Variants in TLR3 observed in about 807,000 individuals in gnomAD.
The protein encoded by TLR3 is toll-like receptor 3.
In TLR3, 43 loss-of-function variants were observed where a neutral mutation model predicts 66.4. The ratio of observed to expected loss-of-function variants is 0.65; its 90% CI spans 0.51 to 0.83. TLR3 has a LOEUF of 0.83. Among genes scored for constraint, TLR3 ranks in the 40% least tolerant of loss-of-function variants. The probability of loss-of-function intolerance (pLI) is 0.00; values close to 1 mark genes in which losing one functional copy is unlikely to be tolerated. For missense variants in TLR3, 982 were observed against 1,044.6 expected (o/e 0.94, Z 0.83); for synonymous variants, 397 against 397.2 (o/e 1.00, Z 0.01).
chr4:186,087,609 T>C lies in TLR3; in HGVS notation c.*2736T>C, dbSNP rs918663856. The stretch of plus-strand genomic sequence containing the variant: ...TTTAAAATAAATCTTGGTATTTAGG[T>C]TGTACCTAAAAATGATAACTTTTAG... On this transcript the variant is annotated 3_prime_UTR_variant, in exon 5 of 5. Transcript: ENST00000296795. 3 of 152,170 alleles carry C rather than the reference T, an allele frequency of 2.0e-5. No homozygotes were observed. Among genetic ancestry groups the C allele is most frequent in the African/African-American group, 2.4e-5 (1 of 41,438 alleles). The allele number at this position is 152,170 out of a possible 1,614,324, so 9.4% of individuals were successfully genotyped here.
At chr4:186,080,694 C>T (rs548329470) in intron 3 of TLR3, among the ~76,000 whole-genome samples, 9 of 152,202 alleles carry the variant, frequency 5.9e-5, no homozygotes, top group African/African-American at 9.6e-5. Context: ...CGGGTTCAAG[C>T]GATTCTCCTG....
chr4:186,074,585 C>T (rs1205066580), intron 1 of TLR3, among the ~76,000 whole-genome samples: 2 of 152,170 alleles, frequency 1.3e-5, no homozygotes, highest in Non-Finnish European at 2.9e-5. Context: ...GAACACTGCA[C>T]ACTTAGGTTA....
At position 186,076,954 on chromosome 4, in the gene TLR3, C is replaced by T; in HGVS notation, c.335C>T (p.Ser112Phe). The change falls in exon 2 of 5, where the codon TCT becomes TTT. Residue 112 changes from serine to phenylalanine, a missense_variant. Physicochemically the swap from Ser to Phe is radical, Grantham distance 155. This residue lies in a region of TLR3 where 313 missense variants were observed against 319.0 expected (regional missense o/e 0.98). Coordinates refer to ENST00000296795, the MANE Select transcript of TLR3 (RefSeq NM_003265.3). ...TTGAACCTCCAGCACAATGAGCTAT[C>T]TCAACTTTCTGATAAAACCTTTGCC... ...KVLNLQHNEL[S>F]QLSDKTFAFC... 2 of 1,614,176 alleles carry T rather than the reference C, an allele frequency of 1.2e-6. No homozygotes were observed. Among genetic ancestry groups the T allele is most frequent in the Non-Finnish European group, 1.7e-6 (2 of 1,180,038 alleles).
chr4:186,073,524 A>T (rs1223287065), intron 1 of TLR3, among the ~76,000 whole-genome samples: 3 of 152,034 alleles, frequency 2.0e-5, no homozygotes, highest in Non-Finnish European at 2.9e-5. Flanking sequence ...CATCTCAAAA[A>T]AAAAACAAAA....
At position 186,084,675 on chromosome 4, in the gene TLR3, T is replaced by C. The variant is rs907295276; in HGVS notation, c.2517T>C (p.Ala839=). ...AGGTACATCATGCAGTTCAACAAGC[T>C]ATTGAACAAAATCTGGATTCCATTA... is the stretch of plus-strand genomic sequence containing the variant. ...RFKVHHAVQQ[A]IEQNLDSIIL... The change falls in exon 5 of 5, where the codon GCT becomes GCC. Residue 839 remains alanine, a synonymous_variant. Coordinates refer to ENST00000296795, the MANE Select transcript of TLR3 (RefSeq NM_003265.3). The C allele has an allele frequency of 6.2e-7, 1 of 1,613,654 alleles. No homozygotes were observed. The highest frequency in any genetic ancestry group is 1.3e-5 in the African/African-American group (1 of 74,928).
At chr4:186,080,044 T>A (rs2099303161) in intron 3 of TLR3, among the ~76,000 whole-genome samples, 1 of 152,148 alleles carries the variant, frequency 6.6e-6, no homozygotes, top group Admixed American at 6.5e-5. Context: ...ATAATTTACC[T>A]GCTCTTTTGC....
rs1380958103 is a variant in TLR3, at chr4:186,082,211, C to T, written c.634-109C>T. 7 of 908,088 alleles carry T rather than the reference C, an allele frequency of 7.7e-6. No individual in the cohort carries two copies. The African/African-American group carries it at 8.6e-5, about 11-fold the overall frequency. 56.3% of individuals were successfully genotyped at this position (908,088 alleles called of 1,614,324 possible). On this transcript the variant is annotated intron_variant, in intron 3 of 4. Transcript: ENST00000296795. ...CTGTACTCCAGCCTGGGCGACAGAG[C>T]GAGACTCCGTCTCAAAAAAAAAAAA...
chr4:186,083,615 C>T lies in TLR3; in HGVS notation c.1929C>T (p.Arg643=), dbSNP rs751999151. ...GGAACCTGACTGAGTTAGATATGCGCTTTAATCCCTTTGATTGCACGTGTG... is the reference window on the plus strand; with the variant it reads ...GGAACCTGACTGAGTTAGATATGCGTTTTAATCCCTTTGATTGCACGTGTG... ...AFRNLTELDM[R]FNPFDCTCES... Residue 643 remains arginine (R), a synonymous_variant, in exon 4 of 5, where the codon CGC becomes CGT. Transcript: ENST00000296795. The surrounding 1 kb of genome is among the most constrained non-coding windows in gnomAD (Gnocchi z 4.0). The T allele has an allele frequency of 2.7e-5, 44 of 1,605,956 alleles. No individual in the cohort carries two copies. The highest frequency in any genetic ancestry group is 1.3e-4 in the East Asian group (6 of 44,812).
rs1287022351 is a variant in TLR3 at position 186,083,008 on chromosome 4, A to G, written c.1322A>G (p.Asn441Ser). 1 of 1,614,204 alleles carries G rather than the reference A, an allele frequency of 6.2e-7. No homozygotes were observed. Among genetic ancestry groups the G allele is most frequent in the Non-Finnish European group, 8.5e-7 (1 of 1,180,048 alleles). ...GHLEVLDLGL[N>S]EIGQELTGQE... ...CTAGAAGTACTTGACCTGGGCCTTA[A>G]TGAAATTGGGCAAGAACTCACAGGC... The change falls in exon 4 of 5, where the codon AAT becomes AGT. Residue 441 changes from asparagine (N) to serine (S), a missense_variant. Around this residue, in one of 3 missense-constraint regions of TLR3, gnomAD observed 666 missense variants for 709.0 expected, o/e 0.94. Coordinates refer to ENST00000296795, the MANE Select transcript of TLR3 (RefSeq NM_003265.3). This position sits in a 1 kb window ranked among gnomAD's most constrained non-coding sequence, Gnocchi z 4.0.
chr4:186,073,989 G>A (rs2099301981), intron 1 of TLR3, among the ~76,000 whole-genome samples: 1 of 152,146 alleles, frequency 6.6e-6, no homozygotes, highest in Non-Finnish European at 1.5e-5. Context: ...GCAGGGAAAT[G>A]CAAATGAAAA....
chr4:186,076,737 C>G lies in TLR3; in HGVS notation c.118C>G (p.Leu40Val). The change falls in exon 2 of 5, where the codon CTG (leucine) becomes GTG (valine). Residue 40 changes from leucine (L) to valine (V), a missense_variant. Physicochemically the swap from Leu to Val is conservative, Grantham distance 32 (BLOSUM62 1). This residue lies in a region of TLR3 where 313 missense variants were observed against 319.0 expected (regional missense o/e 0.98). Transcript: ENST00000296795. ...CCATGAAGTTGCTGACTGCAGCCACCTGAAGTTGACTCAGGTACCCGATGA... is the reference window on the plus strand; with the variant it reads ...CCATGAAGTTGCTGACTGCAGCCACGTGAAGTTGACTCAGGTACCCGATGA... ...VSHEVADCSH[L>V]KLTQVPDDLP... The G allele has an allele frequency of 6.2e-7, 1 of 1,614,064 alleles. No individual in the cohort carries two copies. Among genetic ancestry groups the G allele is most frequent in the Non-Finnish European group, 8.5e-7 (1 of 1,180,012 alleles).
Position 186,086,833 on chromosome 4 carries a change from C to G in TLR3, c.*1960C>G, listed in dbSNP as rs895341266. On this transcript the variant is annotated 3_prime_UTR_variant, in exon 5 of 5. Transcript: ENST00000296795. Reference sequence around the variant, plus strand: ...GTGTCCAGGTTCTTGGTGCTTTGAACAAGGAATTGGACAAAATGCACAAAG... The same window carrying G: ...GTGTCCAGGTTCTTGGTGCTTTGAAGAAGGAATTGGACAAAATGCACAAAG... 1 of 151,806 alleles carries G rather than the reference C, an allele frequency of 6.6e-6. No homozygotes were observed. The highest frequency in any genetic ancestry group is 2.1e-4 in the South Asian group (1 of 4,816). 9.4% of individuals were successfully genotyped at this position (151,806 alleles called of 1,614,324 possible). A position where few individuals can be genotyped will look rare whatever the true frequency, so the allele number is the denominator to read the frequency against.
chr4:186,085,379 G>A lies in TLR3; in HGVS notation c.*506G>A, dbSNP rs1420877295. 1 of 153,630 alleles carries A rather than the reference G, an allele frequency of 6.5e-6. No homozygotes were observed. The highest frequency in any genetic ancestry group is 2.0e-4 in the South Asian group (1 of 4,946). The allele number at this position is 153,630 out of a possible 1,614,324, so 9.5% of individuals were successfully genotyped here. A position where few individuals can be genotyped will look rare whatever the true frequency, so the allele number is the denominator to read the frequency against. On this transcript the variant is annotated 3_prime_UTR_variant, in exon 5 of 5. Coordinates refer to ENST00000296795, the MANE Select transcript of TLR3 (RefSeq NM_003265.3). ...TATTTTAGTAAGTACTTGTCTCAGT[G>A]TTGACTTTGTTAAATGTTAAATATT...
intron 1 of TLR3, among the ~76,000 whole-genome samples, chr4:186,075,742 G>A (rs2099302336): frequency 6.6e-6 from 1 of 152,080 alleles, no homozygotes; most frequent in African/African-American, 2.4e-5. Flanking sequence ...CATAGTTTCA[G>A]GGTAAAATGC....
chr4:186,072,328 T>C (rs1351178586), intron 1 of TLR3, among the ~76,000 whole-genome samples: 1 of 151,738 alleles, frequency 6.6e-6, no homozygotes, highest in Non-Finnish European at 1.5e-5. Context: ...TTGGGGGGAG[T>C]GGGGGCGAAG....
chr4:186,079,084 C>T, intron 3 of TLR3, 53 bp downstream of exon 3: 1 of 1,452,240 alleles, frequency 6.9e-7, no homozygotes, highest in Non-Finnish European at 9.6e-7. Flanking sequence ...TGGATAGTCC[C>T]TATCTGTGTC....
In TLR3 at chr4:186,083,614, G is replaced by A. The variant is rs150315296; in HGVS notation, c.1928G>A (p.Arg643His). The change falls in exon 4 of 5, where the codon CGC (arginine) becomes CAC (histidine). Residue 643 changes from arginine (R) to histidine (H), a missense_variant. Coordinates refer to ENST00000296795, the MANE Select transcript of TLR3 (RefSeq NM_003265.3). This position sits in a 1 kb window ranked among gnomAD's most constrained non-coding sequence, Gnocchi z 4.0. ...AFRNLTELDM[R>H]FNPFDCTCES... is the part of the protein sequence containing the mutation. ...AGGAACCTGACTGAGTTAGATATGC[G>A]CTTTAATCCCTTTGATTGCACGTGT... 68 of 1,606,704 alleles carry A rather than the reference G, an allele frequency of 4.2e-5. No individual in the cohort carries two copies. Among genetic ancestry groups the A allele is most frequent in the African/African-American group, 3.9e-4 (29 of 74,588 alleles).
chr4:186,070,588 G>T (rs2099301274), intron 1 of TLR3, among the ~76,000 whole-genome samples: 1 of 152,090 alleles, frequency 6.6e-6, no homozygotes. Context: ...AGGTTTCCCT[G>T]TGTTGCCCAG....
intron 3 of TLR3, among the ~76,000 whole-genome samples, chr4:186,080,547 A>G (rs1033635413): frequency 6.6e-6 from 1 of 151,456 alleles, no homozygotes; most frequent in African/African-American, 2.4e-5. Context: ...TTTTAAAAAT[A>G]TTTTATGTAT....
Sources: allele counts gnomAD v4.1 joint callset (sites outside exome capture counted in the v4.1 genomes callset), GRCh38; gene constraint gnomAD v4.1.1; regional missense constraint gnomAD v4.1.1; non-coding constraint Gnocchi (gnomAD v3.1); transcripts MANE v1.5; gene names NCBI Gene and HGNC (gene_info 2026-07-23, HGNC 2026-07-21).